MBD2: variants seen among roughly 807,000 people sequenced by gnomAD.
The protein encoded by MBD2 is methyl-CpG-binding domain protein 2.
In MBD2, 9 loss-of-function variants were observed where a neutral mutation model predicts 39.3. The ratio of observed to expected loss-of-function variants is 0.23; its 90% CI spans 0.14 to 0.40. MBD2 has a LOEUF of 0.40. Ranked by LOEUF, MBD2 falls within the 10% of genes least tolerant of loss-of-function variation. MBD2 has a pLI of 1.00. For synonymous variants in MBD2, 233 were observed against 211.1 expected, an observed-to-expected ratio of 1.10 and a Z score of -0.90; for missense variants, 458 against 532.6, an observed-to-expected ratio of 0.86 and a Z score of 1.38.
Position 54,184,000 on chromosome 18 carries a change from T to TA in MBD2, c.840+4873dup, listed in dbSNP as rs560686765. 9.1e-4 allele frequency among the ~76,000 whole-genome samples: 139 copies of TA among 152,218 alleles called. No homozygotes were observed. The East Asian group carries it at 0.018, about 20-fold the overall frequency. ...GGTAATATAAAAGCTACTCCCTAGT[T>TA]AAAAAAGCTCTAAATGTTTCTCATT... On this transcript the variant is annotated intron_variant, in intron 3 of 6. Transcript: ENST00000256429.
chr18:54,207,897 G>C lies in MBD2; in HGVS notation c.543-2740C>G, dbSNP rs565672989. Among the ~76,000 whole-genome samples the C allele has an allele frequency of 3.9e-5, 6 of 152,228 alleles. No homozygotes were observed. In the South Asian group the frequency reaches 1.2e-3, roughly 32 times the overall value. Reference sequence around the variant, plus strand: ...CTAAAAATACAAAAAAATTAGCCGGGCGTGGTGGCGGGCGCCTGTAGTCCC... The same window carrying C: ...CTAAAAATACAAAAAAATTAGCCGGCCGTGGTGGCGGGCGCCTGTAGTCCC... On this transcript the variant is annotated intron_variant, in intron 1 of 6. Transcript: ENST00000256429.
At chr18:54,218,961 CAA>C (rs113019638) in intron 1 of MBD2, among the ~76,000 whole-genome samples, 23 of 101,612 alleles carry the variant, frequency 2.3e-4, no homozygotes, top group Admixed American at 4.4e-4. Flanking sequence ...GACTCCGTCT[CAA>C]AAAAAAAAAA....
At chr18:54,216,236 AAGTTTGAGGAAAAAAATTACATTTACTTC>A (rs1266738951) in intron 1 of MBD2, among the ~76,000 whole-genome samples, 1 of 152,164 alleles carries the variant, frequency 6.6e-6, no homozygotes, top group Non-Finnish European at 1.5e-5. Flanking sequence ...ACACACACAC[AAGTTTGAGGAAAAAAATTACATTTACTTC>A]AGCTATTCAA....
rs367789601 is a variant in MBD2 at position 54,159,124 on chromosome 18, T to G, written c.*12+641A>C. Among the ~76,000 whole-genome samples the G allele has an allele frequency of 4.8e-3, 734 of 152,260 alleles. 7 individuals are homozygous for G. The highest frequency in any genetic ancestry group is 0.016 in the African/African-American group (670 of 41,542). On this transcript the variant is annotated intron_variant, in intron 6 of 6. Transcript: ENST00000256429. ...GGAGATGACAGTCACCTTCTTCTTC[T>G]GGGGCCGTTCCTCCCTACATGACAA... is the stretch of plus-strand genomic sequence containing the variant.
intron 2 of MBD2, among the ~76,000 whole-genome samples, chr18:54,202,195 T>G (rs1226008298): frequency 1.3e-5 from 2 of 151,800 alleles, no homozygotes; most frequent in East Asian, 1.9e-4. Context: ...ATACAAAAAT[T>G]AGCTAGGCGT....
chr18:54,212,565 T>C (rs1192403736), intron 1 of MBD2, among the ~76,000 whole-genome samples: 1 of 152,140 alleles, frequency 6.6e-6, no homozygotes, highest in East Asian at 1.9e-4. Flanking sequence ...TAAGATTGAC[T>C]ATGTGTTGAC....
At chr18:54,156,827 T>C (rs2086054956) in intron 6 of MBD2, among the ~76,000 whole-genome samples, 1 of 151,990 alleles carries the variant, frequency 6.6e-6, no homozygotes, top group Non-Finnish European at 1.5e-5. Context: ...TACTCCAGCC[T>C]GGATGACAAG....
At chr18:54,202,791 T>C in intron 2 of MBD2, 2 of 1,540,544 alleles carry the variant, frequency 1.3e-6, no homozygotes, top group Middle Eastern at 2.4e-4. Flanking sequence ...GTACCTACCG[T>C]GTGCAAAAGC....
chr18:54,203,582 A>G (rs1171771934), intron 2 of MBD2, among the ~76,000 whole-genome samples: 1 of 152,218 alleles, frequency 6.6e-6, no homozygotes, highest in Non-Finnish European at 1.5e-5. Context: ...CAATGTCCCT[A>G]TGAAAACCAA....
At chr18:54,167,196 G>C (rs1185154296) in intron 3 of MBD2, among the ~76,000 whole-genome samples, 3 of 152,146 alleles carry the variant, frequency 2.0e-5, no homozygotes, top group African/African-American at 7.2e-5. Flanking sequence ...ATATTTGTGG[G>C]AATGACTGAA....
At chr18:54,197,076 T>C (rs1467937568) in intron 2 of MBD2, among the ~76,000 whole-genome samples, 2 of 152,232 alleles carry the variant, frequency 1.3e-5, no homozygotes, top group Non-Finnish European at 2.9e-5. Flanking sequence ...TTAGAAGCTC[T>C]TTGAACAAGA....
intron 2 of MBD2, among the ~76,000 whole-genome samples, chr18:54,200,127 C>G (rs565723277): frequency 2.0e-5 from 3 of 152,128 alleles, no homozygotes; most frequent in African/African-American, 7.2e-5. Flanking sequence ...ACAACTGATT[C>G]CATTCAAGAA....
At chr18:54,157,009 C>T (rs968856160) in intron 6 of MBD2, among the ~76,000 whole-genome samples, 2 of 152,134 alleles carry the variant, frequency 1.3e-5, no homozygotes, top group African/African-American at 2.4e-5. Context: ...TCCGAAGCAA[C>T]AGTGCAGAAT....
intron 1 of MBD2, among the ~76,000 whole-genome samples, chr18:54,207,986 T>C (rs1216750146): frequency 6.6e-6 from 1 of 151,692 alleles, no homozygotes; most frequent in Admixed American, 6.6e-5. Context: ...TGCAGTGAGC[T>C]GAGATCGCAC....
intron 2 of MBD2, 30 bp from the exon 3 acceptor site, chr18:54,189,041 A>C: frequency 7.0e-7 from 1 of 1,422,314 alleles, no homozygotes; most frequent in Non-Finnish European, 9.6e-7. Context: ...TTTATTTAAA[A>C]TATTATATAT....
intron 1 of MBD2, among the ~76,000 whole-genome samples, chr18:54,210,963 C>T (rs2086500357): frequency 6.7e-6 from 1 of 148,866 alleles, no homozygotes; most frequent in African/African-American, 2.5e-5. Context: ...GCTCCGCCTC[C>T]CGGGTTCACG....
At chr18:54,186,609 C>T (rs1308483419) in intron 3 of MBD2, among the ~76,000 whole-genome samples, 1 of 152,156 alleles carries the variant, frequency 6.6e-6, no homozygotes, top group African/African-American at 2.4e-5. Flanking sequence ...CTGCCCAATG[C>T]ACAGTCCTAT....
chr18:54,211,959 G>A (rs983438485), intron 1 of MBD2, among the ~76,000 whole-genome samples: 7 of 151,602 alleles, frequency 4.6e-5, no homozygotes, highest in African/African-American at 9.7e-5. Flanking sequence ...GCCTTCAAGC[G>A]ATTCTCCTGC....
chr18:54,180,890 A>ATTTTTTTTTTTT (rs1568083459), intron 3 of MBD2, among the ~76,000 whole-genome samples: 32 of 114,582 alleles, frequency 2.8e-4, no homozygotes, highest in African/African-American at 1.1e-3. Context: ...GTATTCCTTA[A>ATTTTTTTTTTTT]TTTTTTCTTT....
Sources: allele counts gnomAD v4.1 joint callset (sites outside exome capture counted in the v4.1 genomes callset), GRCh38; gene constraint gnomAD v4.1.1; transcripts MANE v1.5; gene names NCBI Gene and HGNC (gene_info 2026-07-23, HGNC 2026-07-21).